The following PRKG1 variants were observed in gnomAD, a reference collection of about 807,000 sequenced individuals.
PRKG1 encodes protein kinase cGMP-dependent 1.
PRKG1 carries 35 observed loss-of-function variants against 88.1 expected under a neutral mutation model. The observed-to-expected ratio is 0.40, with a 90% CI of 0.30 to 0.53. The LOEUF (loss-of-function observed/expected upper bound fraction) is 0.53, where lower values mean the gene tolerates loss of function less well. PRKG1 is among the 20% of genes least tolerant of loss of function. The probability of loss-of-function intolerance (pLI) is 0.59; values close to 1 mark genes in which losing one functional copy is unlikely to be tolerated. For missense variants in PRKG1, 540 were observed against 839.8 expected, an observed-to-expected ratio of 0.64 and a Z score of 4.41; for synonymous variants, 303 against 292.5, an observed-to-expected ratio of 1.04 and a Z score of -0.37.
chr10:51,471,277 T>C (rs895094154), intron 3 of PRKG1, among the ~76,000 whole-genome samples: 32 of 151,954 alleles, frequency 2.1e-4, no homozygotes, highest in African/African-American at 7.5e-4. Flanking sequence ...CTTGTTATAG[T>C]TGGTTTCCAC....
intron 2 of PRKG1, among the ~76,000 whole-genome samples, chr10:51,230,867 C>T (rs746629809): frequency 3.5e-4 from 53 of 151,400 alleles, no homozygotes; most frequent in African/African-American, 1.1e-3. Flanking sequence ...GTTAAATCCA[C>T]GAATGCAGAA....
intron 14 of PRKG1, 151 bp from the exon 15 acceptor site, chr10:52,288,575 G>A: frequency 1.1e-6 from 1 of 885,096 alleles, no homozygotes; most frequent in Non-Finnish European, 1.6e-6. Flanking sequence ...CTTCCACACT[G>A]TTTTGCTATT....
intron 2 of PRKG1, among the ~76,000 whole-genome samples, chr10:51,374,239 A>ACCC (rs1487792498): frequency 1.6e-5 from 2 of 126,512 alleles, no homozygotes; most frequent in Non-Finnish European, 3.4e-5. Flanking sequence ...CTCCCCTAGC[A>ACCC]CCCCCACCCC....
chr10:51,215,411 G>A (rs1838345806), intron 2 of PRKG1, among the ~76,000 whole-genome samples: 1 of 152,136 alleles, frequency 6.6e-6, no homozygotes, highest in African/African-American at 2.4e-5. Context: ...AGGAAAGCTG[G>A]TCTCCATGGA....
chr10:51,594,324 G>A lies in PRKG1; in HGVS notation c.592+126488G>A, dbSNP rs1336032776. 3.3e-5 allele frequency among the ~76,000 whole-genome samples: 5 copies of A among 152,092 alleles called. No homozygotes were observed. In the East Asian group the frequency reaches 7.7e-4, roughly 23 times the overall value. ...ATTACAGAATTGAGCCACCATGCCCGGCCAAGGCAGTTTCATCACTAAATA... is the reference window on the plus strand; with the variant it reads ...ATTACAGAATTGAGCCACCATGCCCAGCCAAGGCAGTTTCATCACTAAATA... On this transcript the variant is annotated intron_variant, in intron 3 of 17. Transcript: ENST00000373980.
At chr10:51,389,655 T>G (rs1392251119) in intron 2 of PRKG1, among the ~76,000 whole-genome samples, 1 of 152,108 alleles carries the variant, frequency 6.6e-6, no homozygotes, top group Non-Finnish European at 1.5e-5. Flanking sequence ...TTTTAAAAAT[T>G]GAGATAATAA....
chr10:51,080,392 A>G (rs1279154563), intron 1 of PRKG1, among the ~76,000 whole-genome samples: 1 of 152,046 alleles, frequency 6.6e-6, no homozygotes, highest in Admixed American at 6.6e-5. Flanking sequence ...AACACAGATG[A>G]TGTTTCTATT....
At chr10:51,539,744 G>A (rs1226296014) in intron 3 of PRKG1, among the ~76,000 whole-genome samples, 1 of 152,150 alleles carries the variant, frequency 6.6e-6, no homozygotes, top group African/African-American at 2.4e-5. Context: ...AAATGTCACA[G>A]TTTAGAAGGA....
intron 4 of PRKG1, among the ~76,000 whole-genome samples, chr10:51,862,746 C>T (rs1840915476): frequency 6.6e-6 from 1 of 152,256 alleles, no homozygotes; most frequent in Non-Finnish European, 1.5e-5. Context: ...TGGGGACCTA[C>T]CTCTGTCTGC....
chr10:51,784,699 C>T (rs188161856), intron 3 of PRKG1, among the ~76,000 whole-genome samples: 1 of 152,162 alleles, frequency 6.6e-6, no homozygotes, highest in Admixed American at 6.6e-5. Flanking sequence ...CAGGCATTCA[C>T]CTACAATATG....
Position 51,044,570 on chromosome 10 carries a change from ATTT to A in PRKG1, c.266+52935_266+52937del, listed in dbSNP as rs549596670. On this transcript the variant is annotated intron_variant, in intron 1 of 17. Transcript: ENST00000401604. ...ATTCAGAGCTTAGTAGGTAGAGGAA[ATTT>A]TTTTTTTTATTGGAGGAGGGAGTAG... Among the ~76,000 whole-genome samples, 1,124 of 148,264 alleles carry A rather than the reference ATTT, an allele frequency of 7.6e-3. 16 individuals carry two copies. The highest frequency in any genetic ancestry group is 0.027 in the African/African-American group (1,087 of 40,676).
chr10:51,436,194 A>G lies in PRKG1; in HGVS notation c.479-31529A>G, dbSNP rs144563151. On this transcript the variant is annotated intron_variant, in intron 2 of 17. Coordinates refer to ENST00000373980, the MANE Select transcript of PRKG1 (RefSeq NM_006258.4). ...TAAGTTGTTTTTTTTTTTTTTTAGC[A>G]TAGTTCCTGACATATGGCAAGTCCA... Among the ~76,000 whole-genome samples the G allele has an allele frequency of 1.2e-4, 18 of 148,556 alleles. No homozygotes were observed. In the East Asian group the frequency reaches 2.4e-3, roughly 20 times the overall value.
At chr10:51,132,067 A>C (rs1200245733) in intron 1 of PRKG1, among the ~76,000 whole-genome samples, 1 of 152,232 alleles carries the variant, frequency 6.6e-6, no homozygotes, top group African/African-American at 2.4e-5. Flanking sequence ...ACAAAAATTA[A>C]AATTACCTGT....
At chr10:51,336,539 T>A (rs1019214096) in intron 2 of PRKG1, among the ~76,000 whole-genome samples, 2 of 152,142 alleles carry the variant, frequency 1.3e-5, no homozygotes, top group Non-Finnish European at 2.9e-5. Context: ...ATGGCCTCCA[T>A]TTTCGTTAAG....
intron 2 of PRKG1, among the ~76,000 whole-genome samples, chr10:51,316,300 G>A (rs929866031): frequency 6.6e-6 from 1 of 152,128 alleles, no homozygotes; most frequent in African/African-American, 2.4e-5. Context: ...AATGAAAACT[G>A]TATTTATATT....
chr10:51,576,252 A>C (rs10998274), intron 3 of PRKG1, among the ~76,000 whole-genome samples: 11,195 of 152,002 alleles, frequency 0.074, 1,374 homozygotes, highest in African/African-American at 0.25. Context: ...TTATTAGCAT[A>C]CTTCGAAACA....
At chr10:51,896,170 A>C (rs1289307111) in intron 4 of PRKG1, among the ~76,000 whole-genome samples, 2 of 152,210 alleles carry the variant, frequency 1.3e-5, no homozygotes, top group African/African-American at 4.8e-5. Context: ...GGATATTTCC[A>C]GCACTCTTTG....
intron 1 of PRKG1, among the ~76,000 whole-genome samples, chr10:51,060,337 CTGTT>C (rs1589127693): frequency 6.6e-6 from 1 of 152,016 alleles, no homozygotes; most frequent in Admixed American, 6.6e-5. Context: ...TATCACTGTA[CTGTT>C]TGTTTTCTAT....
At chr10:51,180,477 G>T (rs553528294) in intron 2 of PRKG1, among the ~76,000 whole-genome samples, 1 of 152,206 alleles carries the variant, frequency 6.6e-6, no homozygotes, top group South Asian at 2.1e-4. Context: ...TGGTGTAGAA[G>T]ATATAAATCT....
Sources: allele counts gnomAD v4.1 joint callset (sites outside exome capture counted in the v4.1 genomes callset), GRCh38; gene constraint gnomAD v4.1.1; transcripts MANE v1.5; gene names NCBI Gene and HGNC (gene_info 2026-07-23, HGNC 2026-07-21).